Variants in ZMIZ1 observed in about 807,000 individuals in gnomAD.
ZMIZ1 encodes zinc finger MIZ domain-containing protein 1.
A neutral mutation model predicts 113.9 loss-of-function variants in ZMIZ1; 17 were observed. The ratio of observed to expected loss-of-function variants is 0.15; its 90% CI spans 0.10 to 0.22. The LOEUF (loss-of-function observed/expected upper bound fraction) is 0.22, where lower values mean the gene tolerates loss of function less well. Ranked by LOEUF, ZMIZ1 falls within the 10% of genes least tolerant of loss-of-function variation. The probability of loss-of-function intolerance (pLI) is 1.00; values close to 1 mark genes in which losing one functional copy is unlikely to be tolerated. For synonymous variants in ZMIZ1, 607 were observed against 603.1 expected, an observed-to-expected ratio of 1.01 and a Z score of -0.09; for missense variants, 1,059 against 1,477.8, an observed-to-expected ratio of 0.72 and a Z score of 4.65.
chr10:79,292,203 G>A lies in ZMIZ1; in HGVS notation c.804G>A (p.Pro268=), dbSNP rs3740258. The change falls in exon 11 of 25, where the codon CCG becomes CCA. Residue 268 remains proline, a synonymous_variant. Coordinates refer to ENST00000334512, the MANE Select transcript of ZMIZ1 (RefSeq NM_020338.4). Reference sequence around the variant, plus strand: ...CCCCCGCAGGCATGGGCATCCCTCCGCACACCAGGCCGCCTGCTGACTTCA... The same window carrying A: ...CCCCCGCAGGCATGGGCATCCCTCCACACACCAGGCCGCCTGCTGACTTCA... ...PNAPAGMGIP[P]HTRPPADFTQ... The A allele has an allele frequency of 9.8e-4, 1,573 of 1,611,980 alleles. 34 individuals carry two copies. The East Asian group carries it at 0.029, about 29-fold the overall frequency.
chr10:79,304,297 C>G, intron 19 of ZMIZ1, 122 bp downstream of exon 19: 1 of 1,279,630 alleles, frequency 7.8e-7, no homozygotes. Flanking sequence ...TCATGGAGAT[C>G]AGCAGCTGGC....
rs1385674683 is a variant in ZMIZ1 at position 79,257,393 on chromosome 10, C to T, written c.281-19788C>T. 5.9e-5 allele frequency among the ~76,000 whole-genome samples: 9 copies of T among 152,354 alleles called. No individual in the cohort carries two copies. In the East Asian group the frequency reaches 1.5e-3, roughly 26 times the overall value. On this transcript the variant is annotated intron_variant, in intron 7 of 24. Transcript: ENST00000334512. ...CAGTTGTGCTGTCCTGGTTGCTCTGCAAAAGCTTTAGGACTGGGCACCATC... is the reference window on the plus strand; with the variant it reads ...CAGTTGTGCTGTCCTGGTTGCTCTGTAAAAGCTTTAGGACTGGGCACCATC...
At chr10:79,282,485 A>G (rs939203532) in intron 8 of ZMIZ1, among the ~76,000 whole-genome samples, 9 of 152,212 alleles carry the variant, frequency 5.9e-5, no homozygotes, top group Middle Eastern at 3.2e-3. Context: ...GGGACGGCAG[A>G]CGCCTGGAGG....
intron 19 of ZMIZ1, 125 bp from the exon 20 acceptor site, chr10:79,305,039 G>T: frequency 1.9e-6 from 2 of 1,059,882 alleles, no homozygotes; most frequent in African/African-American, 1.6e-5. Flanking sequence ...CCCAGCCCCA[G>T]CCCGGGGTTT....
intron 4 of ZMIZ1, among the ~76,000 whole-genome samples, chr10:79,172,577 A>G (rs1427169231): frequency 1.3e-5 from 2 of 152,180 alleles, no homozygotes; most frequent in African/African-American, 4.8e-5. Context: ...AAAATAGACA[A>G]AGTCTCCAGG....
At chr10:79,165,794 C>T (rs1056566798) in intron 4 of ZMIZ1, among the ~76,000 whole-genome samples, 2 of 152,170 alleles carry the variant, frequency 1.3e-5, no homozygotes, top group Non-Finnish European at 2.9e-5. Flanking sequence ...GACTTACACC[C>T]TGAGCCTCTG....
Position 79,252,740 on chromosome 10 carries a change from C to T in ZMIZ1, c.281-24441C>T, listed in dbSNP as rs181149059. On this transcript the variant is annotated intron_variant, in intron 7 of 24. Coordinates refer to ENST00000334512, the MANE Select transcript of ZMIZ1 (RefSeq NM_020338.4). ...GTGTGTGAGTGTGTGCAGGCATCTGCTGGGGACCCTGGATGCACGCCCCCC... is the reference window on the plus strand; with the variant it reads ...GTGTGTGAGTGTGTGCAGGCATCTGTTGGGGACCCTGGATGCACGCCCCCC... Among the ~76,000 whole-genome samples the T allele has an allele frequency of 1.4e-4, 22 of 152,286 alleles. No homozygotes were observed. In the East Asian group the frequency reaches 4.0e-3, roughly 28 times the overall value.
At chr10:79,167,714 A>G (rs1846417400) in intron 4 of ZMIZ1, among the ~76,000 whole-genome samples, 1 of 152,172 alleles carries the variant, frequency 6.6e-6, no homozygotes, top group African/African-American at 2.4e-5. Context: ...AGGCTGGGCC[A>G]CGTATTGGCC....
intron 1 of ZMIZ1, among the ~76,000 whole-genome samples, chr10:79,094,954 G>GA (rs763911221): frequency 0.015 from 2,050 of 139,610 alleles, 28 homozygotes; most frequent in African/African-American, 0.037. Flanking sequence ...GCCCCTCCTG[G>GA]AAAAAAAAAA....
At chr10:79,307,381 C>T (rs1854781835) in intron 22 of ZMIZ1, 24 bp from the exon 23 acceptor site, 1 of 1,605,986 alleles carries the variant, frequency 6.2e-7, no homozygotes, top group Non-Finnish European at 8.5e-7. Context: ...GACCCCCTCC[C>T]CTCCCCATCT....
In ZMIZ1 at chr10:79,208,413, G is replaced by A; in HGVS notation, c.138G>A (p.Gln46=). 6.2e-7 allele frequency: 1 copy of A among 1,614,022 alleles called. No homozygotes were observed. Among genetic ancestry groups the A allele is most frequent in the South Asian group, 1.1e-5 (1 of 91,088 alleles). Residue 46 remains glutamine, a synonymous_variant, in exon 6 of 25, where the codon CAG becomes CAA. Transcript: ENST00000334512. ...LDWCGDPRAF[Q]RPFEQSLMGC... is the part of the protein sequence containing the mutation. ...GGTGCGGAGACCCACGGGCCTTCCAGCGGCCCTTCGAGCAGAGCCTGATGG... is the reference window on the plus strand; with the variant it reads ...GGTGCGGAGACCCACGGGCCTTCCAACGGCCCTTCGAGCAGAGCCTGATGG...
At chr10:79,074,152 A>AT (rs1842392577) in intron 1 of ZMIZ1, among the ~76,000 whole-genome samples, 1 of 152,224 alleles carries the variant, frequency 6.6e-6, no homozygotes, top group Non-Finnish European at 1.5e-5. Context: ...AATTATCCCC[A>AT]TTTAACAGAG....
At chr10:79,165,948 CTGTGTGTGTGTG>C (rs1174980856) in intron 4 of ZMIZ1, among the ~76,000 whole-genome samples, 64 of 59,846 alleles carry the variant, frequency 1.1e-3, no homozygotes, top group African/African-American at 3.1e-3. Flanking sequence ...CCCAGCTCAG[CTGTGTGTGTGTG>C]TGTGTGTGTG....
chr10:79,258,505 G>T (rs11002895), intron 7 of ZMIZ1, among the ~76,000 whole-genome samples: 29,762 of 152,196 alleles, frequency 0.2, 3,114 homozygotes, highest in Non-Finnish European at 0.25. Flanking sequence ...CTCCTGTTTC[G>T]GGCAGCACAA....
chr10:79,141,627 C>G lies in ZMIZ1; in HGVS notation c.-131+1850C>G, dbSNP rs1438718510. 2.0e-5 allele frequency among the ~76,000 whole-genome samples: 3 copies of G among 152,254 alleles called. No individual in the cohort carries two copies. The East Asian group carries it at 5.8e-4, about 29-fold the overall frequency. On this transcript the variant is annotated intron_variant, in intron 3 of 24. Coordinates refer to ENST00000334512, the MANE Select transcript of ZMIZ1 (RefSeq NM_020338.4). ...TTTCCCATGTTGCCCAGGCTGGTCT[C>G]GAACTCCTGGACTTAAGTGATCCAC...
chr10:79,295,773 G>C (rs1322454792), intron 12 of ZMIZ1: 1 of 152,272 alleles, frequency 6.6e-6, no homozygotes, highest in Non-Finnish European at 1.5e-5. Context: ...CACTCAGATG[G>C]GGAAGAAGAA....
At chr10:79,231,759 G>C (rs1486829958) in intron 7 of ZMIZ1, among the ~76,000 whole-genome samples, 1 of 152,042 alleles carries the variant, frequency 6.6e-6, no homozygotes, top group Non-Finnish European at 1.5e-5. Flanking sequence ...ACAATTTTTA[G>C]TAGAGATGGG....
chr10:79,167,655 G>A (rs1564694230), intron 4 of ZMIZ1, among the ~76,000 whole-genome samples: 1 of 152,170 alleles, frequency 6.6e-6, no homozygotes, highest in South Asian at 2.1e-4. Flanking sequence ...AGTGCTTGAG[G>A]CTGCCCTGTA....
At chr10:79,078,935 A>T (rs1257897972) in intron 1 of ZMIZ1, among the ~76,000 whole-genome samples, 1 of 152,150 alleles carries the variant, frequency 6.6e-6, no homozygotes, top group Non-Finnish European at 1.5e-5. Context: ...CTTTCAGCTC[A>T]GGCATTGCAG....
Sources: gnomAD v4.1 joint callset for allele counts (sites outside exome capture counted in the v4.1 genomes callset) on GRCh38, gnomAD v4.1.1 for gene constraint, MANE v1.5 for transcripts, NCBI Gene and HGNC (gene_info 2026-07-23, HGNC 2026-07-21) for gene names.